B4GALT5: variants seen among roughly 807,000 people sequenced by gnomAD.
B4GALT5 encodes beta-1,4-galactosyltransferase 5.
In B4GALT5, 11 loss-of-function variants were observed where a neutral mutation model predicts 45.0. That is an observed-to-expected ratio of 0.24 (90% CI 0.15 to 0.40). The LOEUF is 0.40. Among genes scored for constraint, B4GALT5 ranks in the 10% least tolerant of loss-of-function variants. The pLI is 1.00. For synonymous variants in B4GALT5, 185 were observed against 182.9 expected (o/e 1.01, Z -0.09); for missense variants, 337 against 500.2 (o/e 0.67, Z 3.11).
intron 1 of B4GALT5, among the ~76,000 whole-genome samples, chr20:49,685,402 A>G (rs1457453925): frequency 6.6e-6 from 1 of 152,042 alleles, no homozygotes; most frequent in Non-Finnish European, 1.5e-5. Flanking sequence ...TTCCTAACCA[A>G]CAGAAAACGA....
chr20:49,696,801 G>T (rs1328130578), intron 1 of B4GALT5, among the ~76,000 whole-genome samples: 1 of 152,144 alleles, frequency 6.6e-6, no homozygotes, highest in East Asian at 1.9e-4. Flanking sequence ...CAGAACAAAG[G>T]TGGTAACATT....
intron 1 of B4GALT5, among the ~76,000 whole-genome samples, chr20:49,680,604 A>G (rs2085759886): frequency 6.6e-6 from 1 of 152,116 alleles, no homozygotes; most frequent in South Asian, 2.1e-4. Context: ...AGTTGCGGAG[A>G]AGGGGACTAA....
At chr20:49,713,234 T>G (rs2085926605) in intron 1 of B4GALT5, among the ~76,000 whole-genome samples, 1 of 150,614 alleles carries the variant, frequency 6.6e-6, no homozygotes, top group Non-Finnish European at 1.5e-5. Flanking sequence ...GCGGGAGTTC[T>G]CGAGCAGAGG....
At chr20:49,649,594 AC>A (rs1227753732) in intron 2 of B4GALT5, among the ~76,000 whole-genome samples, 2 of 152,088 alleles carry the variant, frequency 1.3e-5, no homozygotes, top group Non-Finnish European at 2.9e-5. Flanking sequence ...AAAAACAAAA[AC>A]AAAAACATGA....
At chr20:49,693,542 G>GCTGTTTCT (rs2085825191) in intron 1 of B4GALT5, among the ~76,000 whole-genome samples, 2 of 152,156 alleles carry the variant, frequency 1.3e-5, no homozygotes, top group African/African-American at 4.8e-5. Flanking sequence ...TCTCTACCTT[G>GCTGTTTCT]CTGTTTCTAA....
At chr20:49,636,867 T>C (rs2085555949) in intron 8 of B4GALT5, among the ~76,000 whole-genome samples, 2 of 150,528 alleles carry the variant, frequency 1.3e-5, no homozygotes, top group Admixed American at 1.3e-4. Context: ...GCAATTAGAA[T>C]TGGTTGTCTA....
At chr20:49,651,814 C>T (rs2085624045) in intron 2 of B4GALT5, among the ~76,000 whole-genome samples, 1 of 152,138 alleles carries the variant, frequency 6.6e-6, no homozygotes, top group Non-Finnish European at 1.5e-5. Flanking sequence ...TGTGGTGGCT[C>T]ATGCCTGTAA....
At position 49,637,304 on chromosome 20, in the gene B4GALT5, G is replaced by A. The variant is rs757245233; in HGVS notation, c.1019+37C>T. 47 of 1,534,500 alleles carry A rather than the reference G, an allele frequency of 3.1e-5. 1 individual carries two copies. Among genetic ancestry groups the A allele is most frequent in the Non-Finnish European group, 9.0e-7 (1 of 1,107,880 alleles). ...AAGATATCCGGACATGAAAGTATAGGGGATACTTCTAAGAGACAGAGATAA... is the reference window on the plus strand; with the variant it reads ...AAGATATCCGGACATGAAAGTATAGAGGATACTTCTAAGAGACAGAGATAA... On this transcript the variant is annotated intron_variant, in intron 8 of 8. Coordinates refer to ENST00000371711, the MANE Select transcript of B4GALT5 (RefSeq NM_004776.4).
intron 1 of B4GALT5, among the ~76,000 whole-genome samples, chr20:49,684,121 A>G (rs2085775607): frequency 6.6e-6 from 1 of 152,016 alleles, no homozygotes. Context: ...AGCCTGGGCA[A>G]CAGAGCAAGA....
chr20:49,667,460 AG>A (rs1239217339), intron 1 of B4GALT5, among the ~76,000 whole-genome samples: 9 of 152,040 alleles, frequency 5.9e-5, no homozygotes, highest in Non-Finnish European at 1.5e-5. Context: ...TCACTGTGTC[AG>A]CCAGGATGGT....
intron 3 of B4GALT5, among the ~76,000 whole-genome samples, chr20:49,644,932 C>A (rs966522173): frequency 4.0e-5 from 6 of 151,414 alleles, no homozygotes; most frequent in South Asian, 2.1e-4. Flanking sequence ...TAAAAAAAAA[C>A]AATTTTAAAA....
At chr20:49,656,401 A>G (rs989625472) in intron 2 of B4GALT5, among the ~76,000 whole-genome samples, 167 bp downstream of exon 2, 6 of 152,260 alleles carry the variant, frequency 3.9e-5, no homozygotes, top group African/African-American at 1.2e-4. Flanking sequence ...TGTTAACAAA[A>G]ATGAACGAGG....
chr20:49,672,822 C>A (rs1313490811), intron 1 of B4GALT5, among the ~76,000 whole-genome samples: 2 of 151,908 alleles, frequency 1.3e-5, no homozygotes, highest in Non-Finnish European at 2.9e-5. Context: ...AGAAAACAAA[C>A]CAGAAAAAAA....
At chr20:49,650,869 G>A (rs1321182606) in intron 2 of B4GALT5, among the ~76,000 whole-genome samples, 1 of 152,164 alleles carries the variant, frequency 6.6e-6, no homozygotes, top group Non-Finnish European at 1.5e-5. Context: ...TACTGAATGA[G>A]GAAAATGCTG....
chr20:49,663,424 A>G (rs552762288), intron 1 of B4GALT5, among the ~76,000 whole-genome samples: 1 of 141,986 alleles, frequency 7.0e-6, no homozygotes, highest in East Asian at 2.0e-4. Context: ...GGAAATTGAT[A>G]TGCACTCACA....
chr20:49,682,951 C>T (rs936768408), intron 1 of B4GALT5, among the ~76,000 whole-genome samples: 7 of 151,880 alleles, frequency 4.6e-5, no homozygotes, highest in Non-Finnish European at 7.4e-5. Context: ...AATATTAGCC[C>T]GGCATGGTGG....
rs1295111554 is a variant in B4GALT5, at chr20:49,640,549, A to G, written c.723T>C (p.Ser241=). ...IFHDVDHIPE[S]DRNYYGCGQM... is the part of the protein sequence containing the mutation. Reference sequence around the variant, plus strand: ...GTCCACATCCATAATAGTTGCGATCACTTTCCGGTATGTGATCTACATCAT... The same window carrying G: ...GTCCACATCCATAATAGTTGCGATCGCTTTCCGGTATGTGATCTACATCAT... The change falls in exon 6 of 9, where the codon AGT becomes AGC. Residue 241 remains serine, a synonymous_variant. Coordinates refer to ENST00000371711, the MANE Select transcript of B4GALT5 (RefSeq NM_004776.4). 1.1e-5 allele frequency: 17 copies of G among 1,613,922 alleles called. No individual in the cohort carries two copies. Among genetic ancestry groups the G allele is most frequent in the Non-Finnish European group, 1.3e-5 (15 of 1,179,982 alleles).
chr20:49,667,549 G>T (rs1038717118), intron 1 of B4GALT5, among the ~76,000 whole-genome samples: 3 of 151,032 alleles, frequency 2.0e-5, no homozygotes, highest in African/African-American at 7.3e-5. Context: ...CACCGCGCCC[G>T]GCCTGTTGTT....
intron 7 of B4GALT5, among the ~76,000 whole-genome samples, chr20:49,638,435 T>C (rs1197486331): frequency 6.6e-6 from 1 of 152,242 alleles, no homozygotes; most frequent in Non-Finnish European, 1.5e-5. Context: ...TTGTTCCTTA[T>C]GAGGTTACTG....
Sources: gnomAD v4.1 joint callset for allele counts (sites outside exome capture counted in the v4.1 genomes callset) on GRCh38, gnomAD v4.1.1 for gene constraint, MANE v1.5 for transcripts, NCBI Gene and HGNC (gene_info 2026-07-23, HGNC 2026-07-21) for gene names.